Variants in NUP155 observed in about 807,000 individuals in gnomAD.
NUP155 encodes nucleoporin 155.
NUP155 carries 71 observed loss-of-function variants against 180.4 expected under a neutral mutation model. The ratio of observed to expected loss-of-function variants is 0.39; its 90% CI spans 0.33 to 0.48. NUP155 has a LOEUF of 0.48. NUP155 is among the 20% of genes least tolerant of loss of function. The pLI is 0.91. For missense variants in NUP155, 1,553 were observed against 1,648.9 expected (o/e 0.94, Z 1.01); for synonymous variants, 582 against 559.5 (o/e 1.04, Z -0.57).
In NUP155 at chr5:37,307,400, G is replaced by C. The variant is rs756050245; in HGVS notation, c.2800C>G (p.Leu934Val). 8 of 1,613,950 alleles carry C rather than the reference G, an allele frequency of 5.0e-6. No individual in the cohort carries two copies. The South Asian group carries it at 8.8e-5, about 18-fold the overall frequency. ...RFYEGVVELS[L>V]TAAEKKDPQG... ...GGATCTTTTTTCTCTGCAGCCGTAA[G>C]AGAAAGTTCCACCACACCCTCATAA... The change falls in exon 25 of 35, where the codon CTT becomes GTT. Residue 934 changes from leucine to valine, a missense_variant. Leu to Val is a conservative substitution (Grantham distance 32, BLOSUM62 1). Transcript: ENST00000231498.
chr5:37,304,121 G>A (rs1175903657), intron 27 of NUP155, among the ~76,000 whole-genome samples: 1 of 151,314 alleles, frequency 6.6e-6, no homozygotes. Flanking sequence ...GTGGTGGCGG[G>A]TGCCTGTAAT....
intron 20 of NUP155, among the ~76,000 whole-genome samples, chr5:37,321,021 A>G (rs1744209116): frequency 6.6e-6 from 1 of 152,206 alleles, no homozygotes; most frequent in Non-Finnish European, 1.5e-5. Context: ...AAATAAACAA[A>G]AAGCACAAAT....
intron 19 of NUP155, among the ~76,000 whole-genome samples, chr5:37,325,652 C>T (rs976825665): frequency 3.3e-5 from 5 of 151,142 alleles, no homozygotes; most frequent in African/African-American, 4.9e-5. Flanking sequence ...ACCTGTAATC[C>T]CAGGTACTCA....
chr5:37,342,767 C>T, intron 9 of NUP155, 121 bp from the exon 10 acceptor site: 1 of 694,050 alleles, frequency 1.4e-6, no homozygotes, highest in Non-Finnish European at 2.6e-6. Context: ...GATGTAGTCT[C>T]ACTCTGTCAC....
chr5:37,295,876 T>C (rs217809), intron 32 of NUP155, among the ~76,000 whole-genome samples: 2 of 134,752 alleles, frequency 1.5e-5, no homozygotes, highest in South Asian at 2.6e-4. Flanking sequence ...GGAGGGAGGT[T>C]GGGGGGTCAG....
chr5:37,332,564 G>T (rs1034746096), intron 13 of NUP155, among the ~76,000 whole-genome samples: 29 of 151,690 alleles, frequency 1.9e-4, no homozygotes, highest in Non-Finnish European at 5.9e-5. Context: ...ACAATCAATG[G>T]CAAAAACCTC....
In NUP155 at chr5:37,288,873, G is replaced by A. The variant is rs1439147389; in HGVS notation, c.*3027C>T. 1.3e-5 allele frequency: 2 copies of A among 148,864 alleles called. No homozygotes were observed. Among genetic ancestry groups the A allele is most frequent in the African/African-American group, 5.0e-5 (2 of 39,962 alleles). The allele number at this position is 148,864 out of a possible 1,614,324, so 9.2% of individuals were successfully genotyped here. ...GAGGTCAGGAGTTCAAGACCAGCCT[G>A]ACCAACACGGTGAAACCCCATCTCT... On this transcript the variant is annotated 3_prime_UTR_variant, in exon 35 of 35. Transcript: ENST00000231498.
At chr5:37,327,152 T>C (rs964215413) in intron 18 of NUP155, 1 of 183,904 alleles carries the variant, frequency 5.4e-6, no homozygotes, top group Non-Finnish European at 1.1e-5. Context: ...ACGGCTGTTT[T>C]AGAATTTGTC....
intron 4 of NUP155, 132 bp downstream of exon 4, chr5:37,357,949 C>G (rs1267780113): frequency 1.5e-6 from 1 of 657,380 alleles, no homozygotes; most frequent in Non-Finnish European, 2.8e-6. Flanking sequence ...GCCAAGATTG[C>G]GCCACTGCAC....
intron 3 of NUP155, among the ~76,000 whole-genome samples, chr5:37,363,380 C>T (rs1459389469): frequency 1.3e-5 from 2 of 152,136 alleles, no homozygotes; most frequent in East Asian, 3.8e-4. Flanking sequence ...TCTAAAAAGT[C>T]AACAGGGAGA....
chr5:37,325,768 CAA>C (rs58741619), intron 19 of NUP155, 131 bp downstream of exon 19: 22,104 of 343,340 alleles, frequency 0.064, 4 homozygotes, highest in East Asian at 0.091. Context: ...GACTCTGTCT[CAA>C]AAAAAAAAAA....
At chr5:37,303,758 C>A (rs1742992299) in intron 27 of NUP155, among the ~76,000 whole-genome samples, 1 of 151,748 alleles carries the variant, frequency 6.6e-6, no homozygotes, top group Non-Finnish European at 1.5e-5. Context: ...CCAGCCTGGG[C>A]AATATATGGC....
chr5:37,321,449 T>C (rs554865536), intron 20 of NUP155, among the ~76,000 whole-genome samples: 98 of 152,274 alleles, frequency 6.4e-4, no homozygotes, highest in African/African-American at 2.3e-3. Context: ...CCAGGCGCGG[T>C]GGCTCACCCC....
At chr5:37,358,612 C>T (rs1423837285) in intron 3 of NUP155, among the ~76,000 whole-genome samples, 3 of 152,204 alleles carry the variant, frequency 2.0e-5, no homozygotes, top group South Asian at 2.1e-4. Context: ...CTCCACTTCA[C>T]ACCTGGCTAA....
At chr5:37,329,561 T>G (rs192317274) in intron 15 of NUP155, among the ~76,000 whole-genome samples, 1 of 152,368 alleles carries the variant, frequency 6.6e-6, no homozygotes, top group Admixed American at 6.5e-5. Flanking sequence ...TAAATGGCAT[T>G]GTAATTTTCA....
Position 37,307,399 on chromosome 5 carries a change from A to C in NUP155, c.2801T>G (p.Leu934Arg). ...AGGATCTTTTTTCTCTGCAGCCGTA[A>C]GAGAAAGTTCCACCACACCCTCATA... is the stretch of plus-strand genomic sequence containing the variant. ...RFYEGVVELS[L>R]TAAEKKDPQG... The change falls in exon 25 of 35, where the codon CTT (leucine) becomes CGT (arginine). Residue 934 changes from leucine (L) to arginine (R), a missense_variant. Physicochemically the swap from Leu to Arg is moderately radical, Grantham distance 102 (BLOSUM62 -2). Coordinates refer to ENST00000231498, the MANE Select transcript of NUP155 (RefSeq NM_153485.3). The C allele has an allele frequency of 6.2e-7, 1 of 1,614,070 alleles. No homozygotes were observed. Among genetic ancestry groups the C allele is most frequent in the Non-Finnish European group, 8.5e-7 (1 of 1,179,990 alleles).
chr5:37,292,826 T>C (rs912862898), intron 34 of NUP155, 53 bp downstream of exon 34: 1 of 1,144,344 alleles, frequency 8.7e-7, no homozygotes, highest in Non-Finnish European at 1.3e-6. Flanking sequence ...ACCCAGGTAT[T>C]TATTAGAAGC....
At chr5:37,351,884 G>T (rs979043453) in intron 5 of NUP155, among the ~76,000 whole-genome samples, 2 of 152,050 alleles carry the variant, frequency 1.3e-5, no homozygotes, top group African/African-American at 2.4e-5. Flanking sequence ...GTGTGTGTGT[G>T]TGTGTGTGTG....
At chr5:37,361,904 T>C (rs1037714297) in intron 3 of NUP155, among the ~76,000 whole-genome samples, 1 of 152,140 alleles carries the variant, frequency 6.6e-6, no homozygotes, top group Non-Finnish European at 1.5e-5. Context: ...TATTAGGTCA[T>C]GAGGGTATAT....
Sources: allele counts gnomAD v4.1 joint callset (sites outside exome capture counted in the v4.1 genomes callset), GRCh38; gene constraint gnomAD v4.1.1; transcripts MANE v1.5; gene names NCBI Gene and HGNC (gene_info 2026-07-23, HGNC 2026-07-21).